The following MAML2 variants were observed in gnomAD, a reference collection of about 807,000 sequenced individuals.
MAML2 encodes the protein mastermind like transcriptional coactivator 2.
Under a neutral mutation model 96.1 loss-of-function variants are expected in MAML2, and 22 were observed. The ratio of observed to expected loss-of-function variants is 0.23; its 90% confidence interval spans 0.16 to 0.33. The LOEUF (loss-of-function observed/expected upper bound fraction) is 0.33, where lower values mean the gene tolerates loss of function less well. Among genes scored for constraint, MAML2 ranks in the 10% least tolerant of loss-of-function variants. The pLI, the probability that MAML2 is intolerant of heterozygous loss-of-function variation, is 1.00. For missense variants in MAML2, 1,367 were observed against 1,392.4 expected, an observed-to-expected ratio of 0.98 and a Z score of 0.29; for synonymous variants, 561 against 521.3, an observed-to-expected ratio of 1.08 and a Z score of -1.04.
At chr11:96,240,164 C>G (rs370129332) in intron 1 of MAML2, among the ~76,000 whole-genome samples, 3 of 152,152 alleles carry the variant, frequency 2.0e-5, no homozygotes, top group African/African-American at 2.4e-5. Flanking sequence ...TTAAAATAAA[C>G]CATTTCAAAA....
intron 2 of MAML2, among the ~76,000 whole-genome samples, chr11:96,046,555 C>T (rs1259732316): frequency 6.6e-6 from 1 of 152,134 alleles, no homozygotes; most frequent in Non-Finnish European, 1.5e-5. Flanking sequence ...CAGCTCTGAG[C>T]AACTTGGGAC....
chr11:96,261,932 T>TA (rs1209797207), intron 1 of MAML2, among the ~76,000 whole-genome samples: 3 of 152,264 alleles, frequency 2.0e-5, no homozygotes, highest in Non-Finnish European at 4.4e-5. Context: ...TTGTATTTGA[T>TA]ACGGTCAGAA....
At chr11:95,997,373 C>T (rs1858008071) in intron 2 of MAML2, among the ~76,000 whole-genome samples, 1 of 152,072 alleles carries the variant, frequency 6.6e-6, no homozygotes, top group South Asian at 2.1e-4. Context: ...TGTAGCATGC[C>T]AGTGCTTAAG....
intron 1 of MAML2, among the ~76,000 whole-genome samples, chr11:96,269,789 G>T (rs1217702824): frequency 6.9e-6 from 1 of 144,152 alleles, no homozygotes; most frequent in Non-Finnish European, 1.5e-5. Flanking sequence ...GGGTTTACAG[G>T]TGTGAGCCTC....
At chr11:96,137,954 A>C (rs992318000) in intron 1 of MAML2, among the ~76,000 whole-genome samples, 2 of 152,132 alleles carry the variant, frequency 1.3e-5, no homozygotes, top group Non-Finnish European at 2.9e-5. Flanking sequence ...TCCTGTATCC[A>C]TCAAGAACAA....
At chr11:96,187,452 A>G (rs2075735983) in intron 1 of MAML2, among the ~76,000 whole-genome samples, 2 of 152,252 alleles carry the variant, frequency 1.3e-5, no homozygotes, top group Non-Finnish European at 2.9e-5. Flanking sequence ...TGCTGATCCT[A>G]TCCCAGGTTG....
Position 96,177,091 on chromosome 11 carries a change from A to T in MAML2, c.514-83574T>A, listed in dbSNP as rs1175099866. ...TCACATATGTAAAACAGACATGAAA[A>T]TGTATCAGGAGAATGTAATTTTACT... On this transcript the variant is annotated intron_variant, in intron 1 of 4. Transcript: ENST00000524717. Among the ~76,000 whole-genome samples the T allele has an allele frequency of 2.0e-5, 3 of 152,188 alleles. No individual in the cohort carries two copies. In the East Asian group the frequency reaches 5.8e-4, roughly 29 times the overall value.
At chr11:96,280,195 T>C (rs2135985192) in intron 1 of MAML2, among the ~76,000 whole-genome samples, 1 of 152,304 alleles carries the variant, frequency 6.6e-6, no homozygotes, top group Admixed American at 6.5e-5. Context: ...AGACACTGTG[T>C]AGTTGGTAGG....
intron 2 of MAML2, among the ~76,000 whole-genome samples, chr11:96,046,663 A>C (rs539873616): frequency 6.6e-6 from 1 of 152,324 alleles, no homozygotes; most frequent in African/African-American, 2.4e-5. Flanking sequence ...AACAGAGCAA[A>C]GGCCCAGGAA....
chr11:96,118,165 G>A (rs1209972833), intron 1 of MAML2, among the ~76,000 whole-genome samples: 2 of 152,162 alleles, frequency 1.3e-5, no homozygotes, highest in African/African-American at 2.4e-5. Flanking sequence ...AGTGATAGGG[G>A]CTCTAGGAGA....
intron 1 of MAML2, among the ~76,000 whole-genome samples, chr11:96,230,207 A>G (rs1229870392): frequency 4.6e-5 from 7 of 152,224 alleles, no homozygotes; most frequent in African/African-American, 7.2e-5. Context: ...AGAATAGTCT[A>G]GGATAGAATA....
intron 1 of MAML2, among the ~76,000 whole-genome samples, chr11:96,286,024 C>G (rs187610687): frequency 2.6e-5 from 4 of 152,022 alleles, no homozygotes; most frequent in African/African-American, 9.7e-5. Context: ...TACATGCATG[C>G]GTATGTTCAT....
chr11:96,118,243 T>A (rs1420880352), intron 1 of MAML2, among the ~76,000 whole-genome samples: 1 of 152,190 alleles, frequency 6.6e-6, no homozygotes, highest in African/African-American at 2.4e-5. Flanking sequence ...CCAACTGCAA[T>A]GTCCAGCTAT....
In MAML2 at chr11:96,041,265, T is replaced by C. The variant is rs566645; in HGVS notation, c.2140-49542A>G. 6.9e-3 allele frequency among the ~76,000 whole-genome samples: 1,040 copies of C among 151,130 alleles called. 17 individuals carry two copies. The highest frequency in any genetic ancestry group is 0.024 in the African/African-American group (985 of 41,116). On this transcript the variant is annotated intron_variant, in intron 2 of 4. Transcript: ENST00000524717. The stretch of plus-strand genomic sequence containing the variant: ...CAGCACTTTGGGAGGCTGAGGCAAG[T>C]GGATCACTTGAGGTCAGGAGTTCAA...
chr11:96,229,799 C>A (rs1404504525), intron 1 of MAML2, among the ~76,000 whole-genome samples: 1 of 151,988 alleles, frequency 6.6e-6, no homozygotes, highest in Non-Finnish European at 1.5e-5. Flanking sequence ...AGAGAAATAT[C>A]ATTGCTTGGT....
chr11:96,199,483 A>C (rs1861784503), intron 1 of MAML2, among the ~76,000 whole-genome samples: 1 of 152,138 alleles, frequency 6.6e-6, no homozygotes, highest in South Asian at 2.1e-4. Flanking sequence ...ACTCACAGCC[A>C]AATGCAAATC....
At chr11:96,217,717 C>A (rs2135943800) in intron 1 of MAML2, among the ~76,000 whole-genome samples, 1 of 152,288 alleles carries the variant, frequency 6.6e-6, no homozygotes, top group Admixed American at 6.5e-5. Context: ...GAGTGAACGC[C>A]TTTTGAAACC....
At chr11:96,307,514 C>T (rs533310601) in intron 1 of MAML2, among the ~76,000 whole-genome samples, 1 of 152,232 alleles carries the variant, frequency 6.6e-6, no homozygotes, top group South Asian at 2.1e-4. Context: ...ACATCTAGCC[C>T]AGGCACTCTC....
intron 1 of MAML2, among the ~76,000 whole-genome samples, chr11:96,113,077 G>T (rs1860158009): frequency 3.5e-5 from 1 of 28,708 alleles, no homozygotes; most frequent in African/African-American, 9.8e-5. Flanking sequence ...TTTGCATTTT[G>T]CAGGGCAAAA....
Sources: gnomAD v4.1 joint callset for allele counts (sites outside exome capture counted in the v4.1 genomes callset) on GRCh38, gnomAD v4.1.1 for gene constraint, MANE v1.5 for transcripts, NCBI Gene and HGNC (gene_info 2026-07-23, HGNC 2026-07-21) for gene names.